Variants in HEATR5A observed in about 807,000 individuals in gnomAD.
HEATR5A encodes HEAT repeat containing 5A.
In HEATR5A, 178 loss-of-function variants were observed where a neutral mutation model predicts 218.8. The ratio of observed to expected loss-of-function variants is 0.81; its 90% CI spans 0.72 to 0.92. The LOEUF is 0.92. Among genes scored for constraint, HEATR5A ranks in the 40% least tolerant of loss-of-function variants. The pLI is 0.00. For synonymous variants in HEATR5A, 864 were observed against 871.6 expected (o/e 0.99, Z 0.15); for missense variants, 2,420 against 2,418.9 (o/e 1.00, Z -0.01).
chr14:31,416,096 G>A (rs188741906), intron 1 of HEATR5A, among the ~76,000 whole-genome samples: 1 of 151,882 alleles, frequency 6.6e-6, no homozygotes, highest in Non-Finnish European at 1.5e-5. Context: ...GACTCCAGGC[G>A]TGTACCACCA....
At chr14:31,322,867 G>A (rs1900154768) in intron 24 of HEATR5A, among the ~76,000 whole-genome samples, 1 of 147,424 alleles carries the variant, frequency 6.8e-6, no homozygotes, top group African/African-American at 2.5e-5. Flanking sequence ...TTGAACATAT[G>A]AGCTTAAGTG....
At chr14:31,333,748 T>C (rs1259392772) in intron 22 of HEATR5A, among the ~76,000 whole-genome samples, 2 of 152,016 alleles carry the variant, frequency 1.3e-5, no homozygotes, top group Middle Eastern at 3.4e-3. Flanking sequence ...TTATGCTTAA[T>C]TGGCCAGGCA....
intron 1 of HEATR5A, among the ~76,000 whole-genome samples, chr14:31,403,264 A>T (rs1339136702): frequency 6.6e-6 from 1 of 152,184 alleles, no homozygotes; most frequent in Non-Finnish European, 1.5e-5. Flanking sequence ...ATAGAGTAGC[A>T]ATATTTGCAT....
In HEATR5A at chr14:31,400,231, A is replaced by G. The variant is rs878965767; in HGVS notation, c.338+70T>C. 26 of 977,482 alleles carry G rather than the reference A, an allele frequency of 2.7e-5. No individual in the cohort carries two copies. The South Asian group carries it at 4.0e-4, about 15-fold the overall frequency. 60.6% of individuals were successfully genotyped at this position (977,482 alleles called of 1,614,324 possible). On this transcript the variant is annotated intron_variant, in intron 3 of 35. Coordinates refer to ENST00000543095, the MANE Select transcript of HEATR5A (RefSeq NM_015473.4). ...AGTTTCAAAGTAAATGTCAAGTACT[A>G]TGGGTACTTCATAAAAATACAACAG...
intron 4 of HEATR5A, among the ~76,000 whole-genome samples, chr14:31,397,061 T>G (rs1263281057): frequency 7.2e-5 from 11 of 152,198 alleles, no homozygotes; most frequent in Admixed American, 6.5e-5. Flanking sequence ...TTTTCTTCAA[T>G]CTTTTAGGAA....
intron 1 of HEATR5A, among the ~76,000 whole-genome samples, chr14:31,404,730 A>C (rs185938398): frequency 7.9e-5 from 12 of 152,142 alleles, no homozygotes; most frequent in Admixed American, 7.2e-4. Flanking sequence ...CCTGGGTAAC[A>C]TAGACGGACT....
At position 31,394,041 on chromosome 14, in the gene HEATR5A, C is replaced by T; in HGVS notation, c.772+11G>A. 2 of 1,470,112 alleles carry T rather than the reference C, an allele frequency of 1.4e-6. No individual in the cohort carries two copies. The highest frequency in any genetic ancestry group is 1.8e-6 in the Non-Finnish European group (2 of 1,101,186). 91.1% of individuals were successfully genotyped at this position (1,470,112 alleles called of 1,614,324 possible). ...ACAGAAGAGACTTTGAAAATAATTACATGTATTTACCTGTTCCTGGATGTT... is the reference window on the plus strand; with the variant it reads ...ACAGAAGAGACTTTGAAAATAATTATATGTATTTACCTGTTCCTGGATGTT... On this transcript the variant is annotated intron_variant, in intron 6 of 35. Coordinates refer to ENST00000543095, the MANE Select transcript of HEATR5A (RefSeq NM_015473.4).
intron 4 of HEATR5A, among the ~76,000 whole-genome samples, chr14:31,396,275 T>C (rs1490343919): frequency 6.6e-6 from 1 of 151,828 alleles, no homozygotes; most frequent in African/African-American, 2.4e-5. Flanking sequence ...AGCGTGGTAG[T>C]GCACACCTTT....
chr14:31,322,347 A>G (rs1489059304), intron 24 of HEATR5A, among the ~76,000 whole-genome samples: 1 of 152,210 alleles, frequency 6.6e-6, no homozygotes, highest in Non-Finnish European at 1.5e-5. Flanking sequence ...AAGTATCTAC[A>G]GTATGTAAAT....
chr14:31,347,463 C>T (rs751818873), intron 19 of HEATR5A, among the ~76,000 whole-genome samples: 5 of 152,156 alleles, frequency 3.3e-5, no homozygotes, highest in Non-Finnish European at 5.9e-5. Context: ...CTGCCTGCCT[C>T]GGCATCCTGA....
chr14:31,347,907 T>A lies in HEATR5A; in HGVS notation c.2709A>T (p.Lys903Asn). 7 of 1,481,834 alleles carry A rather than the reference T, an allele frequency of 4.7e-6. No homozygotes were observed. The South Asian group carries it at 9.8e-5, about 21-fold the overall frequency. The allele number at this position is 1,481,834 out of a possible 1,614,324, so 91.8% of individuals were successfully genotyped here. A position where few individuals can be genotyped will look rare whatever the true frequency, so the allele number is the denominator to read the frequency against. ...TAACCACATCCCTTGCTGATTTCAA[T>A]CTGTAAATATAAAAATAAAAATAAA... ...TAGLAQVSFD[K>N]LKSARDVVTR... is the part of the protein sequence containing the mutation. Residue 903 changes from lysine (K) to asparagine (N), a missense_variant and splice_region_variant, in exon 19 of 36, where the codon AAA (lysine) becomes AAT (asparagine). By Grantham distance (94) the Lys-to-Asn change is moderately conservative (BLOSUM62 0). Coordinates refer to ENST00000543095, the MANE Select transcript of HEATR5A (RefSeq NM_015473.4).
At chr14:31,400,663 T>C (rs1240916365) in intron 2 of HEATR5A, among the ~76,000 whole-genome samples, 151 bp from the exon 3 acceptor site, 1 of 152,176 alleles carries the variant, frequency 6.6e-6, no homozygotes, top group Non-Finnish European at 1.5e-5. Context: ...AAGTTGGTAG[T>C]GTGGTCATTA....
chr14:31,395,232 A>G lies in HEATR5A; in HGVS notation c.564T>C (p.Asp188=), dbSNP rs1387520690. ...CAGCACAACGAACAGCCATGGATCT[A>G]TCTGTCAAGCAGGATCTAGCAGCTT... ...VYKAARSCLT[D]RSMAVRCAAA... The change falls in exon 5 of 36, where the codon GAT becomes GAC. Residue 188 remains aspartate, a synonymous_variant. Coordinates refer to ENST00000543095, the MANE Select transcript of HEATR5A (RefSeq NM_015473.4). The G allele has an allele frequency of 1.9e-5, 29 of 1,533,240 alleles. No homozygotes were observed. Among genetic ancestry groups the G allele is most frequent in the Non-Finnish European group, 2.2e-5 (25 of 1,144,874 alleles). The allele number at this position is 1,533,240 out of a possible 1,614,324, so 95.0% of individuals were successfully genotyped here. A position where few individuals can be genotyped will look rare whatever the true frequency, so the allele number is the denominator to read the frequency against.
chr14:31,314,240 G>A (rs1012183046), intron 27 of HEATR5A, among the ~76,000 whole-genome samples: 5 of 151,790 alleles, frequency 3.3e-5, no homozygotes, highest in Admixed American at 1.3e-4. Context: ...GAGCCACCGC[G>A]CTGAGGTTAT....
chr14:31,308,314 C>T (rs770184968), intron 29 of HEATR5A, among the ~76,000 whole-genome samples: 7 of 151,986 alleles, frequency 4.6e-5, no homozygotes, highest in Non-Finnish European at 1.0e-4. Context: ...TTGAGACCAG[C>T]CTGACCAACA....
chr14:31,401,992 T>C (rs1386056742), intron 2 of HEATR5A, among the ~76,000 whole-genome samples: 1 of 152,110 alleles, frequency 6.6e-6, no homozygotes, highest in African/African-American at 2.4e-5. Context: ...TATTTGTCAG[T>C]GTATAGAATT....
intron 26 of HEATR5A, among the ~76,000 whole-genome samples, chr14:31,316,156 C>A (rs1899905229): frequency 6.6e-6 from 1 of 152,058 alleles, no homozygotes; most frequent in Non-Finnish European, 1.5e-5. Context: ...GTAATGTGCA[C>A]CTGTAGTACT....
chr14:31,371,809 C>A lies in HEATR5A; in HGVS notation c.1961+1G>T. 1 of 1,470,502 alleles carries A rather than the reference C, an allele frequency of 6.8e-7. No homozygotes were observed. The highest frequency in any genetic ancestry group is 1.3e-5 in the South Asian group (1 of 77,758). 91.1% of individuals were successfully genotyped at this position (1,470,502 alleles called of 1,614,324 possible). A position where few individuals can be genotyped will look rare whatever the true frequency, so the allele number is the denominator to read the frequency against. The stretch of plus-strand genomic sequence containing the variant: ...ATCAAATCTAAACAGTCGATGCTTA[C>A]TGAGTTAGCAAATCCACAGCACAAG... On this transcript the variant is annotated splice_donor_variant, in intron 13 of 35. Coordinates refer to ENST00000543095, the MANE Select transcript of HEATR5A (RefSeq NM_015473.4). LOFTEE classifies it high-confidence loss of function.
At position 31,358,807 on chromosome 14, in the gene HEATR5A, CA is replaced by C; in HGVS notation, c.2240del (p.Leu747ArgfsTer23). The C allele has an allele frequency of 3.1e-6, 5 of 1,613,226 alleles. No individual in the cohort carries two copies. The highest frequency in any genetic ancestry group is 4.2e-6 in the Non-Finnish European group (5 of 1,179,702). Reference sequence around the variant, plus strand: ...TTCCGCAAGCAACACCATTACCAAGCAGGAGCTAAAAGGGAAAAAAAGTATA... The same window carrying C: ...TTCCGCAAGCAACACCATTACCAAGCGGAGCTAAAAGGGAAAAAAAGTATA... The part of the protein sequence containing the change: ...TDHRFIEEQL[L>X]LGNGVACGSL... On this transcript the variant is annotated frameshift_variant, in exon 16 of 36. Coordinates refer to ENST00000543095, the MANE Select transcript of HEATR5A (RefSeq NM_015473.4). LOFTEE classifies it high-confidence loss of function.
Sources: allele counts gnomAD v4.1 joint callset (sites outside exome capture counted in the v4.1 genomes callset), GRCh38; gene constraint gnomAD v4.1.1; transcripts MANE v1.5; gene names NCBI Gene and HGNC (gene_info 2026-07-23, HGNC 2026-07-21).